The following ITGA10 variants were observed in gnomAD, a reference collection of about 807,000 sequenced individuals.
ITGA10 encodes integrin subunit alpha 10.
In ITGA10, 105 loss-of-function variants were observed where a neutral mutation model predicts 145.2. That is an observed-to-expected ratio of 0.72 (90% CI 0.62 to 0.85). ITGA10 has a LOEUF of 0.85. Among genes scored for constraint, ITGA10 ranks in the 40% least tolerant of loss-of-function variants. ITGA10 has a pLI of 0.00. For missense variants in ITGA10, 1,317 were observed against 1,444.5 expected (o/e 0.91, Z 1.43); for synonymous variants, 506 against 557.8 (o/e 0.91, Z 1.31).
At chr1:145,909,515 T>C (rs1399309205) in intron 1 of ITGA10, among the ~76,000 whole-genome samples, 1 of 134,598 alleles carries the variant, frequency 7.4e-6, no homozygotes, top group Non-Finnish European at 1.5e-5. Flanking sequence ...TTATATATTA[T>C]ATGTATATTA....
intron 6 of ITGA10, 108 bp from the exon 7 acceptor site, chr1:145,904,308 G>A: frequency 9.7e-7 from 1 of 1,032,260 alleles, no homozygotes; most frequent in South Asian, 1.4e-5. Context: ...TACTACTGAA[G>A]ACAACACCTA....
In ITGA10 at chr1:145,906,423, G is replaced by T. The variant is rs782167008; in HGVS notation, c.452C>A (p.Pro151His). 1 of 1,614,044 alleles carries T rather than the reference G, an allele frequency of 6.2e-7. No individual in the cohort carries two copies. The highest frequency in any genetic ancestry group is 1.1e-5 in the South Asian group (1 of 91,080). The change falls in exon 5 of 30, where the codon CCT becomes CAT. Residue 151 changes from proline to histidine, a missense_variant. Pro to His is a moderately conservative substitution (Grantham distance 77). Coordinates refer to ENST00000369304, the MANE Select transcript of ITGA10 (RefSeq NM_003637.5). ...ICARVDASFQPQGSLAPTAQR... is the reference protein window; with the variant it reads ...ICARVDASFQHQGSLAPTAQR... The stretch of plus-strand genomic sequence containing the variant: ...GGCAGTGGGTGCCAGGCTTCCCTGA[G>T]GCTGGAATGAAGCATCCACACGGGC...
Position 145,901,366 on chromosome 1 carries a change from C to T in ITGA10, c.1444-88G>A, listed in dbSNP as rs1656292903. 1 of 1,536,878 alleles carries T rather than the reference C, an allele frequency of 6.5e-7. No individual in the cohort carries two copies. Among genetic ancestry groups the T allele is most frequent in the African/African-American group, 1.4e-5 (1 of 73,418 alleles). On this transcript the variant is annotated intron_variant, in intron 12 of 29. Transcript: ENST00000369304. This position sits in a 1 kb window ranked among gnomAD's most constrained non-coding sequence, Gnocchi z 4.3. ...TCAGTGGGAAGCACTCACCAGCCTG[C>T]TAGTCTGCTCCTTACATCCCTGACA...
chr1:145,901,406 G>T lies in ITGA10; in HGVS notation c.1443+110C>A. 1 of 1,488,194 alleles carries T rather than the reference G, an allele frequency of 6.7e-7. No individual in the cohort carries two copies. The highest frequency in any genetic ancestry group is 9.1e-7 in the Non-Finnish European group (1 of 1,103,050). 92.2% of individuals were successfully genotyped at this position (1,488,194 alleles called of 1,614,324 possible). A position where few individuals can be genotyped will look rare whatever the true frequency, so the allele number is the denominator to read the frequency against. On this transcript the variant is annotated intron_variant, in intron 12 of 29. Coordinates refer to ENST00000369304, the MANE Select transcript of ITGA10 (RefSeq NM_003637.5). This position sits in a 1 kb window ranked among gnomAD's most constrained non-coding sequence, Gnocchi z 4.3. Reference sequence around the variant, plus strand: ...CATCCCTGACAGACTCTGCCAACCAGAATTCCGCACAGACTTTGGAGGCCT... The same window carrying T: ...CATCCCTGACAGACTCTGCCAACCATAATTCCGCACAGACTTTGGAGGCCT...
rs372794122 is a variant in ITGA10, at chr1:145,907,105, C to G, written c.210G>C (p.Arg70Ser). The change falls in exon 3 of 30, where the codon AGG becomes AGC. Residue 70 changes from arginine (R) to serine (S), a missense_variant. Arg to Ser is a moderately radical substitution (Grantham distance 110, BLOSUM62 -1). Transcript: ENST00000369304. ...APWDGPSGDR[R>S]GDVYRCPVGG... ...CTACAGGGCAGCGATAAACGTCCCC[C>G]CTCCGGTCGCCTGAAGGCCCATCCC... 32 of 1,563,782 alleles carry G rather than the reference C, an allele frequency of 2.0e-5. No individual in the cohort carries two copies. The highest frequency in any genetic ancestry group is 2.7e-5 in the African/African-American group (2 of 73,788).
rs781975227 is a variant in ITGA10 at position 145,897,046 on chromosome 1, G to A, written c.2709C>T (p.Leu903=). Reference sequence around the variant, plus strand: ...TCAGCTTCACGAAGACCTGGCTCAGGAGAGAGGAGCAGCTAAACTCAAACT... The same window carrying A: ...TCAGCTTCACGAAGACCTGGCTCAGAAGAGAGGAGCAGCTAAACTCAAACT... ...LLEFEFSCSS[L]LSQVFVKLTA... Residue 903 remains leucine, a synonymous_variant, in exon 22 of 30, where the codon CTC becomes CTT. Coordinates refer to ENST00000369304, the MANE Select transcript of ITGA10 (RefSeq NM_003637.5). 1 of 1,614,122 alleles carries A rather than the reference G, an allele frequency of 6.2e-7. No individual in the cohort carries two copies. The highest frequency in any genetic ancestry group is 1.1e-5 in the South Asian group (1 of 91,084).
chr1:145,893,562 G>C lies in ITGA10; in HGVS notation c.3302C>G (p.Thr1101Ser). 6.2e-7 allele frequency: 1 copy of C among 1,612,370 alleles called. No individual in the cohort carries two copies. Among genetic ancestry groups the C allele is most frequent in the Non-Finnish European group, 8.5e-7 (1 of 1,179,274 alleles). The change falls in exon 28 of 30, where the codon ACT becomes AGT. Residue 1101 changes from threonine to serine, a missense_variant. Coordinates refer to ENST00000369304, the MANE Select transcript of ITGA10 (RefSeq NM_003637.5). ...TACCTCACTCCAACGGGAGGCTTCA[G>C]TCAGCTGTAGGACACTGCCCTCTTC... ...GTEEGSVLQL[T>S]EASRWSESLL...
chr1:145,900,135 A>T lies in ITGA10; in HGVS notation c.1844T>A (p.Val615Glu), dbSNP rs888491386. Residue 615 changes from valine to glutamate, a missense_variant, in exon 15 of 30, where the codon GTG becomes GAG. Physicochemically the swap from Val to Glu is moderately radical, Grantham distance 121. Coordinates refer to ENST00000369304, the MANE Select transcript of ITGA10 (RefSeq NM_003637.5). ...PHALSYFGRS[V>E]DGRLDLDGDD... ...TCCATCCAGATCTAGCCGACCATCC[A>T]CACTTCGGCCAAAGTAGCTGAGGGC... is the stretch of plus-strand genomic sequence containing the variant. The T allele has an allele frequency of 3.1e-6, 5 of 1,614,122 alleles. No individual in the cohort carries two copies. The highest frequency in any genetic ancestry group is 4.2e-6 in the Non-Finnish European group (5 of 1,180,010).
At chr1:145,907,615 C>A in intron 1 of ITGA10, 150 bp from the exon 2 acceptor site, 1 of 1,454,296 alleles carries the variant, frequency 6.9e-7, no homozygotes, top group South Asian at 1.5e-5. Flanking sequence ...GTCATGTACT[C>A]AGAGCTCCAG....
chr1:145,904,581 C>T, intron 6 of ITGA10, 103 bp downstream of exon 6: 3 of 1,261,124 alleles, frequency 2.4e-6, no homozygotes, highest in Non-Finnish European at 3.4e-6. Context: ...CACTGTATTG[C>T]CCAGGCTAGT....
Position 145,900,832 on chromosome 1 carries a change from C to T in ITGA10, c.1749G>A (p.Leu583=). The change falls in exon 14 of 30, where the codon CTG becomes CTA. Residue 583 remains leucine (L), a synonymous_variant. Transcript: ENST00000369304. ...TGACTCCACTCTGGGTTCCATGGTA[C>T]AGGTACAGTGCTCCCTGGTGCCCAT... ...LEDGHQGALY[L]YHGTQSGVRP... is the part of the protein sequence containing the mutation. The T allele has an allele frequency of 6.2e-7, 1 of 1,614,128 alleles. No homozygotes were observed. The highest frequency in any genetic ancestry group is 8.5e-7 in the Non-Finnish European group (1 of 1,180,024).
At chr1:145,906,988 T>A in intron 3 of ITGA10, 53 bp downstream of exon 3, 2 of 1,351,178 alleles carry the variant, frequency 1.5e-6, no homozygotes, top group Non-Finnish European at 2.0e-6. Context: ...AGTTGAAGCT[T>A]CTAGAGTATC....
intron 1 of ITGA10, among the ~76,000 whole-genome samples, chr1:145,909,310 A>AT (rs1657534274): frequency 6.6e-6 from 1 of 151,112 alleles, no homozygotes; most frequent in Non-Finnish European, 1.5e-5. Flanking sequence ...AAAAAAAAAA[A>AT]TTAGCTGTGC....
intron 1 of ITGA10, 174 bp from the exon 2 acceptor site, chr1:145,907,639 C>T (rs1237113122): frequency 1.0e-6 from 1 of 982,984 alleles, no homozygotes. Flanking sequence ...AAGATGATTC[C>T]CTTCCTGTGT....
chr1:145,893,303 A>G (rs782615356), intron 28 of ITGA10, 29 bp from the exon 29 acceptor site: 3 of 1,495,964 alleles, frequency 2.0e-6, no homozygotes, highest in Non-Finnish European at 2.8e-6. Flanking sequence ...AGTTTTCTAC[A>G]TGCATCCTAT....
chr1:145,895,561 C>G, intron 26 of ITGA10, 70 bp downstream of exon 26: 1 of 1,509,540 alleles, frequency 6.6e-7, no homozygotes, highest in Non-Finnish European at 9.2e-7. Context: ...ACTCCAGTTC[C>G]TACCCTCTTG....
rs1654819622 is a variant in ITGA10, at chr1:145,892,167, T to C, written c.*631A>G. Reference sequence around the variant, plus strand: ...GTCGAGTGCACTACAGGTCTCAGGTTTCAGGGGGGATGGCAGTTGCCTGTC... The same window carrying C: ...GTCGAGTGCACTACAGGTCTCAGGTCTCAGGGGGGATGGCAGTTGCCTGTC... On this transcript the variant is annotated 3_prime_UTR_variant, in exon 30 of 30. Transcript: ENST00000369304. 1 of 152,734 alleles carries C rather than the reference T, an allele frequency of 6.5e-6. No homozygotes were observed. Among genetic ancestry groups the C allele is most frequent in the Admixed American group, 6.5e-5 (1 of 15,270 alleles). The allele number at this position is 152,734 out of a possible 1,614,324, so 9.5% of individuals were successfully genotyped here.
Position 145,905,258 on chromosome 1 carries a change from T to C in ITGA10, c.482-447A>G, listed in dbSNP as rs587672407. Among the ~76,000 whole-genome samples the C allele has an allele frequency of 3.3e-5, 5 of 151,804 alleles. No homozygotes were observed. The East Asian group carries it at 9.7e-4, about 29-fold the overall frequency. On this transcript the variant is annotated intron_variant, in intron 5 of 29. Transcript: ENST00000369304. ...GAAAATGTTTAAGGAGAAGAGAATA[T>C]TAGGAAAGGCATGTGGGTAGAGAAC...
At chr1:145,904,002 C>T (rs782747029) in intron 7 of ITGA10, 50 bp downstream of exon 7, 6 of 1,608,986 alleles carry the variant, frequency 3.7e-6, no homozygotes, top group Non-Finnish European at 4.2e-6. Context: ...CCTAACTCTT[C>T]TAAGCCTTCA....
Sources: allele counts gnomAD v4.1 joint callset (sites outside exome capture counted in the v4.1 genomes callset), GRCh38; gene constraint gnomAD v4.1.1; non-coding constraint Gnocchi (gnomAD v3.1); transcripts MANE v1.5; gene names NCBI Gene and HGNC (gene_info 2026-07-23, HGNC 2026-07-21).